Variants in ARHGAP10 observed in about 807,000 individuals in gnomAD.
The protein encoded by ARHGAP10 is Rho GTPase activating protein 10.
ARHGAP10 carries 87 observed loss-of-function variants against 108.6 expected under a neutral mutation model. The ratio of observed to expected loss-of-function variants is 0.80; its 90% CI spans 0.67 to 0.96. ARHGAP10 has a LOEUF of 0.96. ARHGAP10 is among the 40% of genes least tolerant of loss of function. ARHGAP10 has a pLI of 0.00. For synonymous variants in ARHGAP10, 347 were observed against 341.1 expected (o/e 1.02, Z -0.19); for missense variants, 939 against 954.5 (o/e 0.98, Z 0.21).
chr4:147,787,289 A>AG (rs761176145), intron 1 of ARHGAP10, among the ~76,000 whole-genome samples: 1 of 152,050 alleles, frequency 6.6e-6, no homozygotes, highest in Non-Finnish European at 1.5e-5. Flanking sequence ...TGGCACAGTG[A>AG]GGGCTCAATA....
At chr4:147,971,049 C>T (rs577089306) in intron 18 of ARHGAP10, among the ~76,000 whole-genome samples, 11 of 145,468 alleles carry the variant, frequency 7.6e-5, no homozygotes, top group Admixed American at 2.1e-4. Flanking sequence ...GCTGAGATTG[C>T]GCCACTGCAC....
At chr4:147,776,802 A>C (rs984716186) in intron 1 of ARHGAP10, among the ~76,000 whole-genome samples, 1 of 152,226 alleles carries the variant, frequency 6.6e-6, no homozygotes, top group African/African-American at 2.4e-5. Flanking sequence ...GTATCGCAGC[A>C]TGGACTTCAC....
At chr4:147,906,794 G>T in intron 11 of ARHGAP10, 75 bp downstream of exon 11, 1 of 1,565,042 alleles carries the variant, frequency 6.4e-7, no homozygotes, top group South Asian at 1.1e-5. Flanking sequence ...TGTTATTTTT[G>T]TGTAGTATTT....
chr4:148,010,869 C>T (rs980566216), intron 18 of ARHGAP10, among the ~76,000 whole-genome samples: 21 of 152,170 alleles, frequency 1.4e-4, no homozygotes, highest in African/African-American at 2.4e-4. Flanking sequence ...TATACTTCCC[C>T]GTTGTCAAAT....
At chr4:147,991,559 T>C (rs577307389) in intron 18 of ARHGAP10, among the ~76,000 whole-genome samples, 38 of 152,284 alleles carry the variant, frequency 2.5e-4, no homozygotes, top group African/African-American at 8.9e-4. Flanking sequence ...TGCGCATCCT[T>C]TACCTAGTGT....
intron 1 of ARHGAP10, among the ~76,000 whole-genome samples, chr4:147,762,374 C>T (rs753240612): frequency 2.0e-5 from 3 of 151,966 alleles, no homozygotes; most frequent in African/African-American, 7.2e-5. Flanking sequence ...TGGTTATACT[C>T]TTTAGCATTG....
rs917678428 is a variant in ARHGAP10 at position 148,072,041 on chromosome 4, A to C, written c.2321A>C (p.Lys774Thr). 4.3e-6 allele frequency: 7 copies of C among 1,613,666 alleles called. No individual in the cohort carries two copies. The highest frequency in any genetic ancestry group is 5.9e-6 in the Non-Finnish European group (7 of 1,179,838). Reference protein sequence around the residue: ...PGWLEGTLNGKRGLIPQNYVK... With the variant: ...PGWLEGTLNGTRGLIPQNYVK... ...TGGCTAGAAGGGACTCTGAACGGCA[A>C]GAGGGGGCTGATTCCACAGAACTAC... Residue 774 changes from lysine to threonine, a missense_variant, in exon 23 of 23, where the codon AAG becomes ACG. Physicochemically the swap from Lys to Thr is moderately conservative, Grantham distance 78 (BLOSUM62 -1). Coordinates refer to ENST00000336498, the MANE Select transcript of ARHGAP10 (RefSeq NM_024605.4).
intron 13 of ARHGAP10, among the ~76,000 whole-genome samples, chr4:147,933,910 AG>A (rs1172225540): frequency 1.3e-5 from 2 of 151,870 alleles, no homozygotes; most frequent in African/African-American, 4.8e-5. Flanking sequence ...TTGCAGTGGG[AG>A]GGGCGGGAGC....
chr4:147,931,311 GAGA>G (rs941102254), intron 13 of ARHGAP10, among the ~76,000 whole-genome samples: 15 of 28,334 alleles, frequency 5.3e-4, no homozygotes, highest in Non-Finnish European at 8.5e-4. Flanking sequence ...TTTATTAAGA[GAGA>G]AAAAAAAAAA....
chr4:148,022,643 AT>A (rs1023926299), intron 18 of ARHGAP10, among the ~76,000 whole-genome samples: 5 of 152,238 alleles, frequency 3.3e-5, no homozygotes, highest in Admixed American at 2.6e-4. Flanking sequence ...TGTGAATGAC[AT>A]TATAGATAGA....
chr4:148,063,067 C>T (rs1249544246), intron 20 of ARHGAP10, 81 bp from the exon 21 acceptor site: 2 of 1,513,686 alleles, frequency 1.3e-6, no homozygotes, highest in Admixed American at 3.4e-5. Context: ...GTGACCTAGT[C>T]ATCTGGGATT....
chr4:147,739,838 C>T (rs560242408), intron 1 of ARHGAP10, among the ~76,000 whole-genome samples: 2 of 150,908 alleles, frequency 1.3e-5, no homozygotes, highest in African/African-American at 4.9e-5. Flanking sequence ...CAGGTTCAAG[C>T]GATTCTCCCG....
intron 1 of ARHGAP10, among the ~76,000 whole-genome samples, chr4:147,766,811 TA>T (rs1433549386): frequency 0.027 from 142 of 5,180 alleles, 1 homozygote; most frequent in East Asian, 0.21. Flanking sequence ...TATATATATA[TA>T]TATATATATA....
At chr4:147,971,531 G>C (rs375624209) in intron 18 of ARHGAP10, among the ~76,000 whole-genome samples, 2 of 152,212 alleles carry the variant, frequency 1.3e-5, no homozygotes, top group South Asian at 4.1e-4. Flanking sequence ...CCCAGTAAGT[G>C]TTTTGAATCA....
rs562889220 is a variant in ARHGAP10 at position 147,775,817 on chromosome 4, G to A, written c.154+43362G>A. Among the ~76,000 whole-genome samples, 11 of 152,266 alleles carry A rather than the reference G, an allele frequency of 7.2e-5. No individual in the cohort carries two copies. In the South Asian group the frequency reaches 2.3e-3, roughly 32 times the overall value. The stretch of plus-strand genomic sequence containing the variant: ...GCACATCTGGATAGTGGCAGGCTCT[G>A]ATGATGATAATAATATCACTAATAC... On this transcript the variant is annotated intron_variant, in intron 1 of 22. Transcript: ENST00000336498.
At chr4:148,004,181 C>T (rs916223175) in intron 18 of ARHGAP10, among the ~76,000 whole-genome samples, 1 of 152,174 alleles carries the variant, frequency 6.6e-6, no homozygotes, top group Non-Finnish European at 1.5e-5. Context: ...CATAGCATGA[C>T]CCTGTCTCAA....
chr4:147,996,295 TC>T (rs1417831725), intron 18 of ARHGAP10, among the ~76,000 whole-genome samples: 26 of 151,982 alleles, frequency 1.7e-4, no homozygotes, highest in Admixed American at 1.6e-3. Context: ...AAACAAAACA[TC>T]AAAATGGAAA....
intron 15 of ARHGAP10, among the ~76,000 whole-genome samples, chr4:147,948,723 G>A (rs1366662967): frequency 2.0e-5 from 3 of 151,924 alleles, no homozygotes; most frequent in South Asian, 2.1e-4. Flanking sequence ...TTGGGAGGCC[G>A]AGGCAGGCAG....
At chr4:148,047,417 G>C (rs1390337806) in intron 20 of ARHGAP10, among the ~76,000 whole-genome samples, 1 of 152,232 alleles carries the variant, frequency 6.6e-6, no homozygotes, top group African/African-American at 2.4e-5. Context: ...TCTTGAAACT[G>C]TCTGTAGAAT....
Sources: gnomAD v4.1 joint callset for allele counts (sites outside exome capture counted in the v4.1 genomes callset) on GRCh38, gnomAD v4.1.1 for gene constraint, MANE v1.5 for transcripts, NCBI Gene and HGNC (gene_info 2026-07-23, HGNC 2026-07-21) for gene names.